CACNA1G: variants seen among roughly 807,000 people sequenced by gnomAD.
CACNA1G encodes voltage-dependent T-type calcium channel subunit alpha-1G.
CACNA1G carries 67 observed loss-of-function variants against 219.4 expected under a neutral mutation model. The observed-to-expected ratio is 0.31, with a 90% CI of 0.25 to 0.37. The LOEUF (loss-of-function observed/expected upper bound fraction) is 0.37, where lower values mean the gene tolerates loss of function less well. Ranked by LOEUF, CACNA1G falls within the 10% of genes least tolerant of loss-of-function variation. The pLI is 1.00. For missense variants in CACNA1G, 2,380 were observed against 3,231.4 expected (o/e 0.74, Z 6.39); for synonymous variants, 1,296 against 1,345.3 (o/e 0.96, Z 0.80).
intron 7 of CACNA1G, among the ~76,000 whole-genome samples, chr17:50,574,992 A>G (rs2040328038): frequency 6.6e-6 from 1 of 152,134 alleles, no homozygotes; most frequent in Non-Finnish European, 1.5e-5. Flanking sequence ...AGATGAGGAT[A>G]TGAGGTCCCA....
rs768872674 is a variant in CACNA1G at position 50,627,329 on chromosome 17, C to T, written c.*578C>T. 1 of 392,546 alleles carries T rather than the reference C, an allele frequency of 2.5e-6. No individual in the cohort carries two copies. The highest frequency in any genetic ancestry group is 5.1e-6 in the Non-Finnish European group (1 of 197,352). 24.3% of individuals were successfully genotyped at this position (392,546 alleles called of 1,614,324 possible). On this transcript the variant is annotated 3_prime_UTR_variant, in exon 38 of 38. Transcript: ENST00000359106. ...TGTAACTTATTTTTTCCTTTAACCT[C>T]GTCATCATTTTCTGTAGGGAAAAAA...
chr17:50,610,898 T>C (rs2049048933), intron 26 of CACNA1G, among the ~76,000 whole-genome samples: 1 of 152,156 alleles, frequency 6.6e-6, no homozygotes, highest in South Asian at 2.1e-4. Flanking sequence ...CGTCATTAAA[T>C]TAGTCTGTGG....
At chr17:50,576,570 C>T (rs1167598503) in intron 8 of CACNA1G, among the ~76,000 whole-genome samples, 2 of 152,246 alleles carry the variant, frequency 1.3e-5, no homozygotes, top group African/African-American at 2.4e-5. Context: ...GCACCTGCTT[C>T]GTGCTGTTTG....
Position 50,596,462 on chromosome 17 carries a change from C to A in CACNA1G, c.2980-100C>A. 1 of 921,546 alleles carries A rather than the reference C, an allele frequency of 1.1e-6. No individual in the cohort carries two copies. The highest frequency in any genetic ancestry group is 1.8e-6 in the Non-Finnish European group (1 of 568,278). The allele number at this position is 921,546 out of a possible 1,614,324, so 57.1% of individuals were successfully genotyped here. A position where few individuals can be genotyped will look rare whatever the true frequency, so the allele number is the denominator to read the frequency against. On this transcript the variant is annotated intron_variant, in intron 14 of 37. Coordinates refer to ENST00000359106, the MANE Select transcript of CACNA1G (RefSeq NM_018896.5). This position sits in a 1 kb window ranked among gnomAD's most constrained non-coding sequence, Gnocchi z 4.8. ...GTGCCGTGGTTGCTGGTTCCTGTGG[C>A]CTATATGTGGTGTGCGTGTGTGAAG...
intron 23 of CACNA1G, chr17:50,606,420 G>A: frequency 1.7e-6 from 1 of 595,260 alleles, no homozygotes; most frequent in Non-Finnish European, 3.0e-6. Flanking sequence ...CAGGGCCTCA[G>A]TTTCATTAAC....
chr17:50,594,218 A>G (rs990976294), intron 13 of CACNA1G, among the ~76,000 whole-genome samples: 3 of 152,212 alleles, frequency 2.0e-5, no homozygotes, highest in Admixed American at 6.5e-5. Flanking sequence ...CAGCGCCCTG[A>G]ATCCCTGTGT....
rs904123811 is a variant in CACNA1G, at chr17:50,600,627, AG to A, written c.3691-96del. On this transcript the variant is annotated intron_variant, in intron 17 of 37. Coordinates refer to ENST00000359106, the MANE Select transcript of CACNA1G (RefSeq NM_018896.5). This position sits in a 1 kb window ranked among gnomAD's most constrained non-coding sequence, Gnocchi z 4.1. ...GCAGAGCTTGGGCCCCAGGTGGGAG[AG>A]GGTAGACAAGGAGTGAGGCTCGTGA... 7 of 955,694 alleles carry A rather than the reference AG, an allele frequency of 7.3e-6. No homozygotes were observed. In the African/African-American group the frequency reaches 9.6e-5, roughly 13 times the overall value. The allele number at this position is 955,694 out of a possible 1,614,324, so 59.2% of individuals were successfully genotyped here. A position where few individuals can be genotyped will look rare whatever the true frequency, so the allele number is the denominator to read the frequency against.
chr17:50,615,289 A>C, intron 26 of CACNA1G, 72 bp from the exon 27 acceptor site: 1 of 1,284,480 alleles, frequency 7.8e-7, no homozygotes, highest in Non-Finnish European at 1.0e-6. Flanking sequence ...GGTGGCTGTG[A>C]GGGACTGGGG....
At chr17:50,570,641 C>T (rs1852278625) in intron 4 of CACNA1G, among the ~76,000 whole-genome samples, 1 of 149,450 alleles carries the variant, frequency 6.7e-6, no homozygotes, top group Non-Finnish European at 1.5e-5. Context: ...TCCTCTGGGG[C>T]TCGGGGTGTG....
intron 19 of CACNA1G, among the ~76,000 whole-genome samples, chr17:50,602,145 G>A (rs533536030): frequency 3.3e-5 from 5 of 152,302 alleles, no homozygotes; most frequent in South Asian, 2.1e-4. Context: ...CTGTCTCCAC[G>A]TCTCTCTCAC....
intron 36 of CACNA1G, 36 bp from the exon 37 acceptor site, chr17:50,624,324 T>TCCCCCCCCCCCCCCCCCCCGGGCCGCC: frequency 8.5e-7 from 1 of 1,177,664 alleles, no homozygotes; most frequent in Non-Finnish European, 1.2e-6. Context: ...CTCCATTCTC[T>TCCCCCCCCCCCCCCCCCCCGGGCCGCC]CCCCCCACCC....
chr17:50,624,797 C>T (rs376123358), intron 37 of CACNA1G, among the ~76,000 whole-genome samples: 3 of 152,246 alleles, frequency 2.0e-5, no homozygotes, highest in South Asian at 2.1e-4. Context: ...CCTATCTGGT[C>T]GGAGGTAGAA....
chr17:50,611,947 C>T (rs536649033), intron 26 of CACNA1G, among the ~76,000 whole-genome samples: 2 of 152,338 alleles, frequency 1.3e-5, no homozygotes, highest in East Asian at 3.9e-4. Context: ...TGGGGTGGCA[C>T]ACGCAGGCAT....
rs962231740 is a variant in CACNA1G at position 50,571,901 on chromosome 17, C to T, written c.610C>T (p.Leu204=). The change falls in exon 5 of 38, where the codon CTG becomes TTG. Residue 204 remains leucine, a synonymous_variant. Coordinates refer to ENST00000359106, the MANE Select transcript of CACNA1G (RefSeq NM_018896.5). The surrounding 1 kb of genome is among the most constrained non-coding windows in gnomAD (Gnocchi z 4.3). ...AGGCATGCGCATCCTTGTCACGTTGCTGCTGGATACGCTGCCCATGCTGGG... is the reference window on the plus strand; with the variant it reads ...AGGCATGCGCATCCTTGTCACGTTGTTGCTGGATACGCTGCCCATGCTGGG... ...VPSMRILVTL[L]LDTLPMLGNV... 1.2e-6 allele frequency: 2 copies of T among 1,613,774 alleles called. No individual in the cohort carries two copies. Among genetic ancestry groups the T allele is most frequent in the Non-Finnish European group, 1.7e-6 (2 of 1,179,848 alleles).
chr17:50,580,465 G>A (rs533417044), intron 9 of CACNA1G, among the ~76,000 whole-genome samples: 82 of 152,314 alleles, frequency 5.4e-4, no homozygotes, highest in African/African-American at 1.9e-3. Context: ...CTGCCCAGCC[G>A]ATGCTGCTGG....
Position 50,599,494 on chromosome 17 carries a change from A to T in CACNA1G, c.3325A>T (p.Ser1109Cys). The T allele has an allele frequency of 6.3e-7, 1 of 1,599,272 alleles. No individual in the cohort carries two copies. The highest frequency in any genetic ancestry group is 8.5e-7 in the Non-Finnish European group (1 of 1,173,692). ...AAGCAGCTGGACCAGCAGGCGCTCC[A>T]GCCGGAACAGCCTCGGCCGTGCACC... ...AASSWTSRRS[S>C]RNSLGRAPSL... The change falls in exon 17 of 38, where the codon AGC becomes TGC. Residue 1109 changes from serine to cysteine, a missense_variant. Physicochemically the swap from Ser to Cys is moderately radical, Grantham distance 112. Transcript: ENST00000359106.
rs1407544615 is a variant in CACNA1G at position 50,590,296 on chromosome 17, A to C, written c.2302-175A>C. On this transcript the variant is annotated intron_variant, in intron 9 of 37. Transcript: ENST00000359106. The stretch of plus-strand genomic sequence containing the variant: ...TCCTGGGGCCCCTGCCCCTGGGTGC[A>C]TTTCCTCCTGGAGCCTTTGGGGCAG... 1.3e-5 allele frequency among the ~76,000 whole-genome samples: 2 copies of C among 151,912 alleles called. 1 individual carries two copies. The highest frequency in any genetic ancestry group is 4.2e-4 in the South Asian group (2 of 4,816).
rs1438090535 is a variant in CACNA1G, at chr17:50,602,864, C to T, written c.3960C>T (p.Val1320=). The part of the protein sequence containing the change: ...LTLSNYIFTA[V]FLAEMTVKVV... ...TCTCCAATTACATCTTCACCGCAGT[C>T]TTTCTGGCTGAAATGACAGTGAAGG... The change falls in exon 20 of 38, where the codon GTC becomes GTT. Residue 1320 remains valine (V), a synonymous_variant. Coordinates refer to ENST00000359106, the MANE Select transcript of CACNA1G (RefSeq NM_018896.5). The T allele has an allele frequency of 6.2e-7, 1 of 1,613,574 alleles. No individual in the cohort carries two copies. Among genetic ancestry groups the T allele is most frequent in the Non-Finnish European group, 8.5e-7 (1 of 1,179,820 alleles).
rs1359907676 is a variant in CACNA1G, at chr17:50,596,830, C to T, written c.3165C>T (p.Ser1055=). 6.2e-7 allele frequency: 1 copy of T among 1,608,924 alleles called. No homozygotes were observed. The highest frequency in any genetic ancestry group is 8.5e-7 in the Non-Finnish European group (1 of 1,178,650). The change falls in exon 16 of 38, where the codon AGC becomes AGT. Residue 1055 remains serine, a synonymous_variant. Transcript: ENST00000359106. This position sits in a 1 kb window ranked among gnomAD's most constrained non-coding sequence, Gnocchi z 4.8. ...CCATGTCGCTGCCCAAGAGCACCAGCACGGGCCTGGGCGAGGCGCTGGGCC... is the reference window on the plus strand; with the variant it reads ...CCATGTCGCTGCCCAAGAGCACCAGTACGGGCCTGGGCGAGGCGCTGGGCC... ...ATPMSLPKST[S]TGLGEALGPA...
Sources: allele counts gnomAD v4.1 joint callset (sites outside exome capture counted in the v4.1 genomes callset), GRCh38; gene constraint gnomAD v4.1.1; non-coding constraint Gnocchi (gnomAD v3.1); transcripts MANE v1.5; gene names NCBI Gene and HGNC (gene_info 2026-07-23, HGNC 2026-07-21).